The following NATD1 variants were observed in gnomAD, a reference collection of about 807,000 sequenced individuals.
NATD1 encodes the protein N-acetyltransferase domain containing 1, also known as protein NATD1.
A neutral mutation model predicts 12.0 loss-of-function variants in NATD1; 9 were observed. The observed-to-expected ratio is 0.75, with a 90% CI of 0.45 to 1.30. The LOEUF (loss-of-function observed/expected upper bound fraction) is 1.30. Among genes scored for constraint, NATD1 ranks in the 50% most tolerant of loss-of-function variants. The pLI, the probability that NATD1 is intolerant of heterozygous loss-of-function variation, is 0.00. For synonymous variants in NATD1, 71 were observed against 65.9 expected (o/e 1.08, Z -0.37); for missense variants, 148 against 148.5 (o/e 1.00, Z 0.02).
intron 1 of NATD1, among the ~76,000 whole-genome samples, chr17:21,250,419 C>T (rs1432787483): frequency 6.6e-6 from 1 of 152,338 alleles, no homozygotes; most frequent in East Asian, 1.9e-4. Flanking sequence ...GCCCCCTGCA[C>T]CTCTCATGAA....
chr17:21,247,498 G>A (rs1975336237), intron 1 of NATD1, among the ~76,000 whole-genome samples: 1 of 152,132 alleles, frequency 6.6e-6, no homozygotes, highest in South Asian at 2.1e-4. Context: ...CACTAAACAC[G>A]ATTCTCACAG....
chr17:21,251,596 C>T (rs1975377338), intron 1 of NATD1, among the ~76,000 whole-genome samples: 2 of 152,220 alleles, frequency 1.3e-5, no homozygotes, highest in Admixed American at 6.5e-5. Context: ...TCAGTTTCCT[C>T]ATCTGTAACA....
chr17:21,253,151 C>G lies in NATD1; in HGVS notation c.106+8G>C, dbSNP rs1975394730. 2 of 1,018,332 alleles carry G rather than the reference C, an allele frequency of 2.0e-6. No homozygotes were observed. The highest frequency in any genetic ancestry group is 1.2e-6 in the Non-Finnish European group (1 of 852,484). The allele number at this position is 1,018,332 out of a possible 1,614,324, so 63.1% of individuals were successfully genotyped here. The stretch of plus-strand genomic sequence containing the variant: ...ACAAAAGGTCGGGGCGGGCCGGGGC[C>G]GCCTTACCGTTGAGCCGGACAGTGA... On this transcript the variant is annotated splice_region_variant and intron_variant, in intron 1 of 2. Transcript: ENST00000611551.
In NATD1 at chr17:21,238,992, G is replaced by C. The variant is rs990709879; in HGVS notation, c.*4321C>G. On this transcript the variant is annotated 3_prime_UTR_variant, in exon 3 of 3. Coordinates refer to ENST00000611551, the MANE Select transcript of NATD1 (RefSeq NM_152914.3). ...CAACACAAGTTGAAGTCACAGCCTTGCCGGAACTCTTATGTAAAGTTTAGG... is the reference window on the plus strand; with the variant it reads ...CAACACAAGTTGAAGTCACAGCCTTCCCGGAACTCTTATGTAAAGTTTAGG... 1 of 152,214 alleles carries C rather than the reference G, an allele frequency of 6.6e-6. No individual in the cohort carries two copies. Among genetic ancestry groups the C allele is most frequent in the African/African-American group, 2.4e-5 (1 of 41,450 alleles). The allele number at this position is 152,214 out of a possible 1,614,324, so 9.4% of individuals were successfully genotyped here.
intron 1 of NATD1, among the ~76,000 whole-genome samples, chr17:21,252,873 G>C (rs137905493): frequency 0.033 from 5,008 of 151,922 alleles, 118 homozygotes; most frequent in African/African-American, 0.037. Context: ...AGGGGCCCCT[G>C]TCCGCCCTGG....
intron 1 of NATD1, among the ~76,000 whole-genome samples, chr17:21,247,839 A>G (rs1975339730): frequency 6.6e-6 from 1 of 152,208 alleles, no homozygotes; most frequent in African/African-American, 2.4e-5. Flanking sequence ...CACAGTGCCC[A>G]GAAGTGAAAG....
intron 1 of NATD1, among the ~76,000 whole-genome samples, chr17:21,246,184 G>A (rs1249440899): frequency 3.3e-5 from 5 of 152,148 alleles, no homozygotes; most frequent in African/African-American, 1.2e-4. Context: ...GAGATCTTAC[G>A]TACTGATGAA....
At chr17:21,245,102 A>G (rs1975314096) in intron 1 of NATD1, among the ~76,000 whole-genome samples, 1 of 152,150 alleles carries the variant, frequency 6.6e-6, no homozygotes, top group African/African-American at 2.4e-5. Context: ...ATGCCAGGGA[A>G]TGGGGGCAGG....
intron 1 of NATD1, among the ~76,000 whole-genome samples, chr17:21,248,799 G>A (rs919434888): frequency 2.0e-5 from 3 of 152,168 alleles, no homozygotes; most frequent in Admixed American, 6.5e-5. Flanking sequence ...CAAGCCTAGG[G>A]CAGGGCAGGG....
intron 1 of NATD1, among the ~76,000 whole-genome samples, chr17:21,252,467 T>C (rs963568394): frequency 6.6e-6 from 1 of 152,184 alleles, no homozygotes; most frequent in Non-Finnish European, 1.5e-5. Context: ...AACTAGCCAA[T>C]GGGGTGTGCA....
chr17:21,244,261 C>A lies in NATD1; in HGVS notation c.107-37G>T. The A allele has an allele frequency of 1.3e-6, 2 of 1,565,042 alleles. No individual in the cohort carries two copies. The highest frequency in any genetic ancestry group is 1.2e-5 in the South Asian group (1 of 86,936). On this transcript the variant is annotated intron_variant, in intron 1 of 2. Transcript: ENST00000611551. This position sits in a 1 kb window ranked among gnomAD's most constrained non-coding sequence, Gnocchi z 5.2. ...GGAGACAGGTAAGCCTATGCTGACT[C>A]CCATCCCAGCGGACTCAGGCACCAA...
Position 21,243,320 on chromosome 17 carries a change from T to C in NATD1, c.335A>G (p.Gln112Arg). ...CCCGCCTGCAGGCCAGGGTTACGGC[T>C]GCAGGCGCTCCAGGTACTGCGGCAG... ...NPLPQYLERL[Q>R]P The change falls in exon 3 of 3, where the codon CAG becomes CGG. Residue 112 changes from glutamine to arginine, a missense_variant. Coordinates refer to ENST00000611551, the MANE Select transcript of NATD1 (RefSeq NM_152914.3). 1 of 1,612,204 alleles carries C rather than the reference T, an allele frequency of 6.2e-7. No individual in the cohort carries two copies. Among genetic ancestry groups the C allele is most frequent in the Non-Finnish European group, 8.5e-7 (1 of 1,179,838 alleles).
Position 21,244,891 on chromosome 17 carries a change from A to G in NATD1, c.107-667T>C, listed in dbSNP as rs981168571. Among the ~76,000 whole-genome samples the G allele has an allele frequency of 1.3e-5, 2 of 152,182 alleles. No individual in the cohort carries two copies. Among genetic ancestry groups the G allele is most frequent in the African/African-American group, 4.8e-5 (2 of 41,456 alleles). On this transcript the variant is annotated intron_variant, in intron 1 of 2. Coordinates refer to ENST00000611551, the MANE Select transcript of NATD1 (RefSeq NM_152914.3). The surrounding 1 kb of genome is among the most constrained non-coding windows in gnomAD (Gnocchi z 5.2). ...GAACTTTTTCCTAATCACAGTTTTT[A>G]GTGTCTCATCTATTTGTCTCTCCAC...
At chr17:21,248,253 T>C (rs1975343869) in intron 1 of NATD1, among the ~76,000 whole-genome samples, 1 of 152,048 alleles carries the variant, frequency 6.6e-6, no homozygotes, top group South Asian at 2.1e-4. Context: ...AGGCCACAAA[T>C]GCAATACCGG....
At position 21,240,499 on chromosome 17, in the gene NATD1, C is replaced by T. The variant is rs539090031; in HGVS notation, c.*2814G>A. ...TTTTATGGAAATGTTCCTCTGAGAC[C>T]TGTTGATGAGCTTGGAGAATGAGGA... On this transcript the variant is annotated 3_prime_UTR_variant, in exon 3 of 3. Transcript: ENST00000611551. 1.3e-5 allele frequency: 2 copies of T among 152,750 alleles called. No individual in the cohort carries two copies. The highest frequency in any genetic ancestry group is 1.3e-4 in the Admixed American group (2 of 15,308). 9.5% of individuals were successfully genotyped at this position (152,750 alleles called of 1,614,324 possible).
intron 2 of NATD1, 66 bp from the exon 3 acceptor site, chr17:21,243,495 G>A: frequency 3.8e-6 from 5 of 1,326,112 alleles, no homozygotes; most frequent in South Asian, 2.4e-5. Context: ...AGCATTGTCT[G>A]CTGCCTCCCC....
Position 21,244,275 on chromosome 17 carries a change from C to A in NATD1, c.107-51G>T. The A allele has an allele frequency of 6.6e-7, 1 of 1,526,012 alleles. No homozygotes were observed. Among genetic ancestry groups the A allele is most frequent in the Non-Finnish European group, 9.0e-7 (1 of 1,116,644 alleles). 94.5% of individuals were successfully genotyped at this position (1,526,012 alleles called of 1,614,324 possible). Reference sequence around the variant, plus strand: ...CTATGCTGACTCCCATCCCAGCGGACTCAGGCACCAAGACGGGTGGAGGGA... The same window carrying A: ...CTATGCTGACTCCCATCCCAGCGGAATCAGGCACCAAGACGGGTGGAGGGA... On this transcript the variant is annotated intron_variant, in intron 1 of 2. Transcript: ENST00000611551. The surrounding 1 kb of genome is among the most constrained non-coding windows in gnomAD (Gnocchi z 5.2).
chr17:21,252,451 C>A (rs1016219257), intron 1 of NATD1, among the ~76,000 whole-genome samples: 3 of 152,204 alleles, frequency 2.0e-5, no homozygotes, highest in African/African-American at 4.8e-5. Context: ...AGTCTTTCAT[C>A]CTTACAACTA....
At position 21,253,296 on chromosome 17, in the gene NATD1, G is replaced by C; in HGVS notation, c.-32C>G. Reference sequence around the variant, plus strand: ...GCGGGGCTGCGGCGCGGCGCCGGCGGGGGCCGGGGCGCGCGGGGAAAGGTC... The same window carrying C: ...GCGGGGCTGCGGCGCGGCGCCGGCGCGGGCCGGGGCGCGCGGGGAAAGGTC... On this transcript the variant is annotated 5_prime_UTR_variant, in exon 1 of 3. Transcript: ENST00000611551. The C allele has an allele frequency of 2.1e-6, 2 of 931,288 alleles. No homozygotes were observed. Among genetic ancestry groups the C allele is most frequent in the Non-Finnish European group, 2.6e-6 (2 of 781,472 alleles). The allele number at this position is 931,288 out of a possible 1,614,324, so 57.7% of individuals were successfully genotyped here.
Sources: gnomAD v4.1 joint callset for allele counts (sites outside exome capture counted in the v4.1 genomes callset) on GRCh38, gnomAD v4.1.1 for gene constraint, Gnocchi (gnomAD v3.1) non-coding constraint, MANE v1.5 for transcripts, NCBI Gene and HGNC (gene_info 2026-07-23, HGNC 2026-07-21) for gene names.